NBEA: variants seen among roughly 807,000 people sequenced by gnomAD.
NBEA encodes the protein neurobeachin, also known as lysosomal-trafficking regulator 2.
Under a neutral mutation model 343.4 loss-of-function variants are expected in NBEA, and 44 were observed. That is an observed-to-expected ratio of 0.13 (90% confidence interval 0.10 to 0.16). The LOEUF is 0.16. NBEA is among the 10% of genes least tolerant of loss of function. The probability of loss-of-function intolerance (pLI) is 1.00; values close to 1 mark genes in which losing one functional copy is unlikely to be tolerated. For synonymous variants in NBEA, 1,175 were observed against 1,238.7 expected (o/e 0.95, Z 1.08); for missense variants, 2,555 against 3,631.3 (o/e 0.70, Z 7.62).
chr13:35,437,365 A>T (rs1483637246), intron 39 of NBEA, among the ~76,000 whole-genome samples: 1 of 152,152 alleles, frequency 6.6e-6, no homozygotes, highest in African/African-American at 2.4e-5. Context: ...TTTCATATTT[A>T]CTTTGAAAAG....
intron 38 of NBEA, among the ~76,000 whole-genome samples, chr13:35,361,152 A>C (rs986729272): frequency 6.6e-6 from 1 of 152,090 alleles, no homozygotes; most frequent in Non-Finnish European, 1.5e-5. Flanking sequence ...GCAACAATTC[A>C]AAAGATAACT....
chr13:35,039,141 G>C (rs1290527139), intron 1 of NBEA, among the ~76,000 whole-genome samples: 1 of 152,132 alleles, frequency 6.6e-6, no homozygotes, highest in Non-Finnish European at 1.5e-5. Flanking sequence ...TTATGCTATA[G>C]CAAGATGGCC....
chr13:35,540,775 G>A (rs1200189799), intron 41 of NBEA, among the ~76,000 whole-genome samples: 1 of 152,066 alleles, frequency 6.6e-6, no homozygotes, highest in Non-Finnish European at 1.5e-5. Flanking sequence ...CATTTTTTAG[G>A]GGATGTATAT....
At chr13:35,439,157 A>C (rs746469191) in intron 39 of NBEA, among the ~76,000 whole-genome samples, 13 of 152,186 alleles carry the variant, frequency 8.5e-5, no homozygotes, top group Admixed American at 3.3e-4. Context: ...GAAACCAGGA[A>C]TGCTGCCTAA....
At chr13:35,126,702 G>A (rs990114825) in intron 17 of NBEA, among the ~76,000 whole-genome samples, 12 of 152,098 alleles carry the variant, frequency 7.9e-5, no homozygotes, top group African/African-American at 2.6e-4. Flanking sequence ...GCAGATCAAC[G>A]AGGTCAGCAG....
chr13:35,104,481 T>C (rs1300876280), intron 11 of NBEA, among the ~76,000 whole-genome samples: 1 of 151,958 alleles, frequency 6.6e-6, no homozygotes, highest in Non-Finnish European at 1.5e-5. Flanking sequence ...GGTTGTTGAA[T>C]TGAGTATATG....
chr13:34,950,383 G>A (rs1378137358), intron 1 of NBEA, among the ~76,000 whole-genome samples: 1 of 152,028 alleles, frequency 6.6e-6, no homozygotes, highest in Non-Finnish European at 1.5e-5. Flanking sequence ...TGGCAGCTTT[G>A]GATCCCCTCA....
rs530579822 is a variant in NBEA at position 35,509,403 on chromosome 13, G to A, written c.6585+36867G>A. On this transcript the variant is annotated intron_variant, in intron 41 of 58. Transcript: ENST00000379939. ...AGAGAGAGAGAGAGAGTGAGCGAGT[G>A]AGTGCTTGCATGGAAACTAGCAGTA... 1.4e-4 allele frequency among the ~76,000 whole-genome samples: 22 copies of A among 152,272 alleles called. No homozygotes were observed. In the South Asian group the frequency reaches 4.4e-3, roughly 30 times the overall value.
intron 1 of NBEA, among the ~76,000 whole-genome samples, chr13:34,988,249 C>T (rs182705989): frequency 1.3e-5 from 2 of 151,172 alleles, no homozygotes; most frequent in African/African-American, 4.8e-5. Context: ...AGTTAGGCTA[C>T]ACGGGGGTCA....
At chr13:35,031,899 AT>A (rs1422394676) in intron 1 of NBEA, among the ~76,000 whole-genome samples, 1 of 151,570 alleles carries the variant, frequency 6.6e-6, no homozygotes, top group Non-Finnish European at 1.5e-5. Flanking sequence ...AATGTGTGGT[AT>A]TTGGTTTTCT....
At chr13:35,073,984 A>G (rs1237154456) in intron 10 of NBEA, among the ~76,000 whole-genome samples, 1 of 152,136 alleles carries the variant, frequency 6.6e-6, no homozygotes, top group African/African-American at 2.4e-5. Context: ...TTCATTTTCT[A>G]GAGTCTTCAA....
At chr13:35,372,686 G>T (rs911358469) in intron 38 of NBEA, among the ~76,000 whole-genome samples, 2 of 152,080 alleles carry the variant, frequency 1.3e-5, no homozygotes, top group African/African-American at 4.8e-5. Context: ...AGCTTCGTGT[G>T]GTGGTGTCTA....
chr13:35,191,287 T>C (rs1006376787), intron 30 of NBEA, among the ~76,000 whole-genome samples: 2 of 152,066 alleles, frequency 1.3e-5, no homozygotes, highest in African/African-American at 4.8e-5. Context: ...TTAATATATA[T>C]GTCTAAAAAG....
At chr13:35,304,584 C>T (rs2036769098) in intron 35 of NBEA, among the ~76,000 whole-genome samples, 1 of 152,138 alleles carries the variant, frequency 6.6e-6, no homozygotes, top group East Asian at 1.9e-4. Context: ...CATTTTTATT[C>T]AGAATGTTTT....
At chr13:35,014,972 G>C (rs963478416) in intron 1 of NBEA, among the ~76,000 whole-genome samples, 1 of 151,652 alleles carries the variant, frequency 6.6e-6, no homozygotes, top group African/African-American at 2.4e-5. Context: ...TGCAGGTGTA[G>C]TACTGGGGAG....
At chr13:35,451,085 T>C (rs2046285966) in intron 39 of NBEA, among the ~76,000 whole-genome samples, 2 of 152,188 alleles carry the variant, frequency 1.3e-5, no homozygotes, top group Non-Finnish European at 2.9e-5. Flanking sequence ...TCAGTTTTTC[T>C]GCTTATTTTC....
intron 41 of NBEA, among the ~76,000 whole-genome samples, chr13:35,539,061 T>A (rs1041996114): frequency 6.6e-6 from 1 of 152,162 alleles, no homozygotes; most frequent in African/African-American, 2.4e-5. Flanking sequence ...TAAATAAAAA[T>A]CAAGAAAAGT....
intron 8 of NBEA, among the ~76,000 whole-genome samples, chr13:35,068,706 T>C (rs2063749429): frequency 6.6e-6 from 1 of 152,226 alleles, no homozygotes; most frequent in African/African-American, 2.4e-5. Context: ...CTCTACACGC[T>C]AGTCCAGAAG....
At chr13:35,553,102 G>A (rs2079416078) in intron 43 of NBEA, among the ~76,000 whole-genome samples, 1 of 151,990 alleles carries the variant, frequency 6.6e-6, no homozygotes, top group South Asian at 2.1e-4. Context: ...ATGTTGCCCA[G>A]GCTGGTCTCG....
Sources: allele counts gnomAD v4.1 joint callset (sites outside exome capture counted in the v4.1 genomes callset), GRCh38; gene constraint gnomAD v4.1.1; transcripts MANE v1.5; gene names NCBI Gene and HGNC (gene_info 2026-07-23, HGNC 2026-07-21).